The following PTPN21 variants were observed in gnomAD, a reference collection of about 807,000 sequenced individuals.
PTPN21 encodes tyrosine-protein phosphatase non-receptor type 21.
PTPN21 carries 77 observed loss-of-function variants against 131.8 expected under a neutral mutation model. That is an observed-to-expected ratio of 0.58 (90% CI 0.49 to 0.71). PTPN21 has a LOEUF of 0.71. Ranked by LOEUF, PTPN21 falls within the 30% of genes least tolerant of loss-of-function variation. The pLI is 0.00. For missense variants in PTPN21, 1,552 were observed against 1,527.1 expected, an observed-to-expected ratio of 1.02 and a Z score of -0.27; for synonymous variants, 715 against 621.3, an observed-to-expected ratio of 1.15 and a Z score of -2.24.
chr14:88,543,943 A>C (rs189677745), intron 2 of PTPN21, among the ~76,000 whole-genome samples: 118 of 150,254 alleles, frequency 7.9e-4, no homozygotes, highest in Non-Finnish European at 1.3e-3. Context: ...CTGAAAGAAA[A>C]CTGTCCTCTA....
chr14:88,518,302 ATAT>A (rs2078319534), intron 2 of PTPN21, among the ~76,000 whole-genome samples: 1 of 104,058 alleles, frequency 9.6e-6, no homozygotes, highest in East Asian at 2.9e-4. Flanking sequence ...ACACACACAC[ATAT>A]ATGTGTATAT....
intron 2 of PTPN21, chr14:88,547,557 G>A (rs2078801060): frequency 2.4e-6 from 1 of 415,762 alleles, no homozygotes; most frequent in South Asian, 1.8e-5. Context: ...GCAGGCTAAG[G>A]CAAAAGGATC....
rs1349677498 is a variant in PTPN21, at chr14:88,550,412, T to C, written c.6A>G (p.Pro2=). 1.2e-6 allele frequency: 2 copies of C among 1,613,504 alleles called. No individual in the cohort carries two copies. Among genetic ancestry groups the C allele is most frequent in the African/African-American group, 1.3e-5 (1 of 75,022 alleles). M[P]LPFGLKLKRT... ...GTTTCAGTTTCAACCCAAATGGCAG[T>C]GGCATCTTCTTCTTTCTTCAAGAAT... is the stretch of plus-strand genomic sequence containing the variant. Residue 2 remains proline (P), a synonymous_variant, in exon 2 of 19, where the codon CCA becomes CCG. Coordinates refer to ENST00000556564, the MANE Select transcript of PTPN21 (RefSeq NM_007039.4).
At chr14:88,482,648 A>G (rs558207123) in intron 12 of PTPN21, among the ~76,000 whole-genome samples, 1 of 151,390 alleles carries the variant, frequency 6.6e-6, no homozygotes, top group Non-Finnish European at 1.5e-5. Context: ...GAAATGTTAA[A>G]TGTAGATGAG....
At chr14:88,552,104 CTCA>C (rs1366136833) in intron 1 of PTPN21, 5 of 152,214 alleles carry the variant, frequency 3.3e-5, no homozygotes, top group Admixed American at 6.5e-5. Context: ...TCCCGACCCT[CTCA>C]TCTGGCAGAC....
chr14:88,507,181 A>AAC (rs2078104251), intron 4 of PTPN21, among the ~76,000 whole-genome samples: 1 of 152,238 alleles, frequency 6.6e-6, no homozygotes, highest in South Asian at 2.1e-4. Context: ...AAGCGAATAT[A>AAC]ACCTCATCAA....
chr14:88,474,817 A>T (rs1451389169), intron 13 of PTPN21, among the ~76,000 whole-genome samples: 1 of 152,164 alleles, frequency 6.6e-6, no homozygotes, highest in Non-Finnish European at 1.5e-5. Flanking sequence ...TAAGCATAAG[A>T]ACACTAAGTT....
At chr14:88,533,285 C>A (rs751560255) in intron 2 of PTPN21, among the ~76,000 whole-genome samples, 1 of 152,130 alleles carries the variant, frequency 6.6e-6, no homozygotes, top group Non-Finnish European at 1.5e-5. Flanking sequence ...ATTACAGTCA[C>A]GTGCCGCATA....
intron 3 of PTPN21, among the ~76,000 whole-genome samples, chr14:88,510,585 C>T (rs556993345): frequency 6.6e-6 from 1 of 152,256 alleles, no homozygotes; most frequent in African/African-American, 2.4e-5. Flanking sequence ...TGTTACATGA[C>T]AGTCCACAAA....
chr14:88,473,545 T>G (rs1399184716), intron 14 of PTPN21, 120 bp downstream of exon 14: 2 of 1,257,220 alleles, frequency 1.6e-6, no homozygotes, highest in African/African-American at 3.1e-5. Flanking sequence ...ACAAAATTCC[T>G]TAACACTCAT....
At chr14:88,485,216 T>TA (rs2077715339) in intron 11 of PTPN21, 56 bp from the exon 12 acceptor site, 1 of 1,085,484 alleles carries the variant, frequency 9.2e-7, no homozygotes, top group South Asian at 1.9e-5. Flanking sequence ...GTAATACAGG[T>TA]AAAGTTATTA....
At chr14:88,530,503 A>AC (rs2078541131) in intron 2 of PTPN21, among the ~76,000 whole-genome samples, 1 of 134,654 alleles carries the variant, frequency 7.4e-6, no homozygotes, top group African/African-American at 2.5e-5. Context: ...CAGAATGGAT[A>AC]AAAATCCACC....
intron 2 of PTPN21, among the ~76,000 whole-genome samples, chr14:88,549,907 T>TGCCCGCCACCACACCCTACAGGC (rs1245812100): frequency 6.6e-6 from 1 of 151,834 alleles, no homozygotes; most frequent in Non-Finnish European, 1.5e-5. Flanking sequence ...GGATGACAGG[T>TGCCCGCCACCACACCCTACAGGC]GCCCGCCACC....
intron 2 of PTPN21, among the ~76,000 whole-genome samples, chr14:88,544,386 T>C (rs1369548995): frequency 2.6e-5 from 4 of 151,136 alleles, no homozygotes; most frequent in African/African-American, 9.7e-5. Flanking sequence ...ATGAAGAGAA[T>C]TTGGTCAGTT....
intron 3 of PTPN21, chr14:88,514,971 T>G (rs1316359521): frequency 6.6e-6 from 1 of 152,198 alleles, no homozygotes; most frequent in Non-Finnish European, 1.5e-5. Context: ...TTCTCTCCAA[T>G]TCCTACCCCA....
chr14:88,532,155 G>A (rs1407665862), intron 2 of PTPN21, among the ~76,000 whole-genome samples: 1 of 151,438 alleles, frequency 6.6e-6, no homozygotes, highest in Non-Finnish European at 1.5e-5. Context: ...GGACCAGATG[G>A]ATTCACAGCT....
intron 2 of PTPN21, among the ~76,000 whole-genome samples, chr14:88,535,829 T>C (rs904038247): frequency 1.3e-5 from 2 of 152,196 alleles, no homozygotes; most frequent in Non-Finnish European, 2.9e-5. Context: ...ACTGCCTTGG[T>C]CTAGGATATC....
intron 2 of PTPN21, among the ~76,000 whole-genome samples, chr14:88,541,830 C>T (rs2078710547): frequency 6.6e-6 from 1 of 152,184 alleles, no homozygotes; most frequent in Non-Finnish European, 1.5e-5. Context: ...AATATTCCAT[C>T]CTTCCAGCAT....
intron 2 of PTPN21, among the ~76,000 whole-genome samples, chr14:88,523,500 T>C (rs1456663693): frequency 6.6e-6 from 1 of 152,144 alleles, no homozygotes; most frequent in Non-Finnish European, 1.5e-5. Flanking sequence ...TCATACTCCA[T>C]GGAGAAAGAC....
Sources: allele counts gnomAD v4.1 joint callset (sites outside exome capture counted in the v4.1 genomes callset), GRCh38; gene constraint gnomAD v4.1.1; transcripts MANE v1.5; gene names NCBI Gene and HGNC (gene_info 2026-07-23, HGNC 2026-07-21).